MTMR8: variants seen among roughly 807,000 people sequenced by gnomAD.
MTMR8 encodes phosphatidylinositol-3,5-bisphosphate 3-phosphatase MTMR8.
Under a neutral mutation model 39.3 loss-of-function variants are expected in MTMR8, and 65 were observed. That is an observed-to-expected ratio of 1.65 (90% CI 1.35 to 2.03). The LOEUF is 2.03. Among genes scored for constraint, MTMR8 ranks in the 30% most tolerant of loss-of-function variants. The pLI is 0.00. For missense variants in MTMR8, 777 were observed against 538.9 expected (o/e 1.44, Z -4.37); for synonymous variants, 245 against 185.2 (o/e 1.32, Z -2.62).
At chrX:64,310,903 A>G (rs1407888686) in intron 12 of MTMR8, among the ~76,000 whole-genome samples, 1 of 111,967 alleles carries the variant, frequency 8.9e-6, no homozygotes, top group Non-Finnish European at 1.9e-5. Flanking sequence ...TCTATCATTG[A>G]TAAACATTTG....
chrX:64,284,083 T>C (rs1165515770), intron 12 of MTMR8, among the ~76,000 whole-genome samples: 1 of 111,429 alleles, frequency 9.0e-6, no homozygotes, highest in Non-Finnish European at 1.9e-5. Flanking sequence ...TGAAAACAGA[T>C]TAGATGAATG....
chrX:64,358,878 C>CACACACACAT (rs1307525485), intron 2 of MTMR8, among the ~76,000 whole-genome samples: 3 of 107,034 alleles, frequency 2.8e-5, no homozygotes, highest in African/African-American at 1.0e-4. Flanking sequence ...CACACACACA[C>CACACACACAT]ATATATATAT....
chrX:64,312,486 G>A (rs1175785753), intron 12 of MTMR8, among the ~76,000 whole-genome samples: 6 of 112,022 alleles, frequency 5.4e-5, no homozygotes, highest in African/African-American at 1.9e-4. Flanking sequence ...AGGGCAATCA[G>A]GCAAGAGAAA....
chrX:64,283,806 C>A (rs1320542122), intron 12 of MTMR8, among the ~76,000 whole-genome samples: 1 of 112,216 alleles, frequency 8.9e-6, no homozygotes, highest in Non-Finnish European at 1.9e-5. Flanking sequence ...AGGACATCCA[C>A]AACAAAACCC....
At chrX:64,333,077 C>G (rs764853144) in intron 10 of MTMR8, among the ~76,000 whole-genome samples, 16 of 111,455 alleles carry the variant, frequency 1.4e-4, no homozygotes, top group African/African-American at 5.2e-4. Flanking sequence ...CTTCTAAATC[C>G]AACCACAGAT....
chrX:64,308,913 T>A (rs999161982), intron 12 of MTMR8, among the ~76,000 whole-genome samples: 2 of 112,064 alleles, frequency 1.8e-5, no homozygotes, highest in African/African-American at 6.5e-5. Context: ...GTTGATTATA[T>A]TTCTGTGGGT....
intron 12 of MTMR8, among the ~76,000 whole-genome samples, chrX:64,280,096 C>T (rs1183594746): frequency 8.9e-6 from 1 of 111,959 alleles, no homozygotes; most frequent in African/African-American, 3.2e-5. Flanking sequence ...CAGATGAATT[C>T]ACAGCCAAAT....
At chrX:64,382,680 C>T (rs1224722436) in intron 1 of MTMR8, among the ~76,000 whole-genome samples, 1 of 111,456 alleles carries the variant, frequency 9.0e-6, no homozygotes. Flanking sequence ...CTGTCTCATG[C>T]CAGTTTTCAA....
intron 12 of MTMR8, among the ~76,000 whole-genome samples, chrX:64,288,118 C>G (rs1351381526): frequency 4.0e-5 from 4 of 100,437 alleles, no homozygotes; most frequent in Admixed American, 1.2e-4. Flanking sequence ...CTCTGACAAA[C>G]GGCTAACATC....
At chrX:64,371,680 TAGA>T (rs1009255461) in intron 1 of MTMR8, among the ~76,000 whole-genome samples, 3 of 111,380 alleles carry the variant, frequency 2.7e-5, no homozygotes, top group Admixed American at 1.9e-4. Flanking sequence ...TCCCTACACT[TAGA>T]AGTTTATCCT....
At chrX:64,386,992 T>G (rs1924576914) in intron 1 of MTMR8, among the ~76,000 whole-genome samples, 1 of 111,389 alleles carries the variant, frequency 9.0e-6, no homozygotes, top group Non-Finnish European at 1.9e-5. Context: ...AAGTTGAGGC[T>G]GCAGTGAGCC....
At chrX:64,273,597 C>T (rs529510491) in intron 12 of MTMR8, among the ~76,000 whole-genome samples, 6 of 110,958 alleles carry the variant, frequency 5.4e-5, no homozygotes, top group African/African-American at 1.3e-4. Flanking sequence ...AACAGTAAAT[C>T]CTCCCCTATC....
At chrX:64,283,189 G>C (rs991051557) in intron 12 of MTMR8, among the ~76,000 whole-genome samples, 2 of 112,143 alleles carry the variant, frequency 1.8e-5, no homozygotes, top group African/African-American at 6.5e-5. Context: ...CCGGCACCTG[G>C]CTCAGAGGGT....
At chrX:64,302,271 C>T (rs996101877) in intron 12 of MTMR8, among the ~76,000 whole-genome samples, 4 of 112,375 alleles carry the variant, frequency 3.6e-5, no homozygotes, top group African/African-American at 6.5e-5. Context: ...TCTCATGGTG[C>T]GCCGTTTTTT....
At chrX:64,379,392 T>C (rs1313948534) in intron 1 of MTMR8, among the ~76,000 whole-genome samples, 1 of 111,853 alleles carries the variant, frequency 8.9e-6, no homozygotes, top group Non-Finnish European at 1.9e-5. Context: ...AATATTGGTG[T>C]ATTAGTTTGC....
chrX:64,344,457 T>G (rs1315492963), intron 7 of MTMR8, among the ~76,000 whole-genome samples: 1 of 111,141 alleles, frequency 9.0e-6, no homozygotes, highest in Admixed American at 9.6e-5. Flanking sequence ...TGAGTTGACA[T>G]AGAACATCAT....
chrX:64,345,125 T>A lies in MTMR8; in HGVS notation c.785A>T (p.Asn262Ile). The change falls in exon 7 of 14, where the codon AAC (asparagine) becomes ATC (isoleucine). Residue 262 changes from asparagine (N) to isoleucine (I), a missense_variant. By Grantham distance (149) the Asn-to-Ile change is moderately radical. Transcript: ENST00000374852. ...GAATCTGAAGCGAATGTTGGCATAG[T>A]TGTCTTCATTTTCATACCCCTTCCC... is the stretch of plus-strand genomic sequence containing the variant. ...AAGKGYENED[N>I]YANIRFRFMG... is the part of the protein sequence containing the mutation. The A allele has an allele frequency of 3.3e-6, 4 of 1,211,095 alleles. No homozygotes were observed. The highest frequency in any genetic ancestry group is 4.5e-6 in the Non-Finnish European group (4 of 894,836).
intron 1 of MTMR8, among the ~76,000 whole-genome samples, chrX:64,366,935 C>T (rs940064683): frequency 4.5e-5 from 5 of 111,140 alleles, no homozygotes; most frequent in Admixed American, 9.5e-5. Flanking sequence ...ACCATCGATC[C>T]CACAGAAATA....
intron 12 of MTMR8, among the ~76,000 whole-genome samples, chrX:64,304,157 A>T (rs889635681): frequency 8.9e-6 from 1 of 112,410 alleles, no homozygotes; most frequent in Non-Finnish European, 1.9e-5. Flanking sequence ...AAGCCATACT[A>T]GGTAAATAAA....
Sources: allele counts gnomAD v4.1 joint callset (sites outside exome capture counted in the v4.1 genomes callset), GRCh38; gene constraint gnomAD v4.1.1; transcripts MANE v1.5; gene names NCBI Gene and HGNC (gene_info 2026-07-23, HGNC 2026-07-21).